GRIK1: variants seen among roughly 807,000 people sequenced by gnomAD.
GRIK1 encodes the protein glutamate receptor ionotropic, kainate 1.
In GRIK1, 69 loss-of-function variants were observed where a neutral mutation model predicts 105.7. That is an observed-to-expected ratio of 0.65 (90% CI 0.54 to 0.80). The LOEUF is 0.80. GRIK1 is among the 30% of genes least tolerant of loss of function. GRIK1 has a pLI of 0.00. For missense variants in GRIK1, 1,109 were observed against 1,167.3 expected (o/e 0.95, Z 0.73); for synonymous variants, 438 against 431.3 (o/e 1.02, Z -0.19).
intron 1 of GRIK1, among the ~76,000 whole-genome samples, chr21:29,867,908 AAG>A (rs374877912): frequency 7.3e-4 from 57 of 77,832 alleles, no homozygotes; most frequent in East Asian, 2.9e-3. Context: ...GAGAGAAAGA[AAG>A]AGAGAGAAAG....
intron 1 of GRIK1, among the ~76,000 whole-genome samples, chr21:29,898,711 A>T (rs2070270658): frequency 6.6e-6 from 1 of 152,252 alleles, no homozygotes; most frequent in Non-Finnish European, 1.5e-5. Context: ...GGATTCAGAA[A>T]TCATGCTGAT....
chr21:29,623,158 A>G (rs893596998), intron 7 of GRIK1, among the ~76,000 whole-genome samples: 3 of 152,194 alleles, frequency 2.0e-5, no homozygotes, highest in African/African-American at 4.8e-5. Flanking sequence ...CAATCATGGC[A>G]GAAAATGAAG....
chr21:29,597,591 T>G, intron 8 of GRIK1: 1 of 457,840 alleles, frequency 2.2e-6, no homozygotes, highest in South Asian at 1.6e-5. Context: ...TGCACCATCG[T>G]GGAGACTGGC....
chr21:29,765,528 A>T (rs998328987), intron 1 of GRIK1, among the ~76,000 whole-genome samples: 1 of 152,122 alleles, frequency 6.6e-6, no homozygotes, highest in Non-Finnish European at 1.5e-5. Flanking sequence ...CAAACTCTGT[A>T]AAATTCTTTT....
At chr21:29,546,806 T>C (rs1466073030) in intron 16 of GRIK1, among the ~76,000 whole-genome samples, 2 of 152,232 alleles carry the variant, frequency 1.3e-5, no homozygotes, top group Non-Finnish European at 2.9e-5. Flanking sequence ...GCTACAAATC[T>C]GCAAGGACTA....
chr21:29,577,055 T>C lies in GRIK1; in HGVS notation c.2039A>G (p.Glu680Gly). Reference sequence around the variant, plus strand: ...ATCATCTGCCGAATCTATGGGGGATTCCATTCTCTCTACTGTCAAGAAGGC... The same window carrying C: ...ATCATCTGCCGAATCTATGGGGGATCCCATTCTCTCTACTGTCAAGAAGGC... ...LAAFLTVERMESPIDSADDLA... is the reference protein window; with the variant it reads ...LAAFLTVERMGSPIDSADDLA... Residue 680 changes from glutamate (E) to glycine (G), a missense_variant, in exon 14 of 18, where the codon GAA becomes GGA. By Grantham distance (98) the Glu-to-Gly change is moderately conservative. Coordinates refer to ENST00000327783, the MANE Select transcript of GRIK1 (RefSeq NM_001330994.2). 1 of 1,613,494 alleles carries C rather than the reference T, an allele frequency of 6.2e-7. No homozygotes were observed. Among genetic ancestry groups the C allele is most frequent in the Non-Finnish European group, 8.5e-7 (1 of 1,179,462 alleles).
intron 1 of GRIK1, among the ~76,000 whole-genome samples, chr21:29,753,286 C>A (rs1046048925): frequency 6.6e-6 from 1 of 151,976 alleles, no homozygotes; most frequent in African/African-American, 2.4e-5. Flanking sequence ...AGAAACAAAC[C>A]CTTCATCTGC....
chr21:29,892,673 T>A (rs1271869683), intron 1 of GRIK1, among the ~76,000 whole-genome samples: 3 of 152,202 alleles, frequency 2.0e-5, no homozygotes, highest in African/African-American at 7.2e-5. Flanking sequence ...GCTGGAGCAA[T>A]GGTCTCCAGG....
At chr21:29,636,930 A>G (rs960408966) in intron 7 of GRIK1, among the ~76,000 whole-genome samples, 6 of 152,124 alleles carry the variant, frequency 3.9e-5, no homozygotes, top group Non-Finnish European at 7.3e-5. Flanking sequence ...CACTGCTTCC[A>G]CATAGGATCA....
intron 6 of GRIK1, among the ~76,000 whole-genome samples, chr21:29,647,848 G>A (rs1259729157): frequency 1.3e-5 from 2 of 152,172 alleles, no homozygotes; most frequent in Non-Finnish European, 2.9e-5. Flanking sequence ...TTTTTCTCAA[G>A]ATATTTTTTA....
Position 29,739,553 on chromosome 21 carries a change from A to G in GRIK1, c.119-45490T>C, listed in dbSNP as rs192655255. Among the ~76,000 whole-genome samples, 17 of 152,324 alleles carry G rather than the reference A, an allele frequency of 1.1e-4. No homozygotes were observed. The East Asian group carries it at 3.3e-3, about 29-fold the overall frequency. On this transcript the variant is annotated intron_variant, in intron 1 of 17. Coordinates refer to ENST00000327783, the MANE Select transcript of GRIK1 (RefSeq NM_001330994.2). ...AGGGCAGTTAGCTGGTTACTCTGAC[A>G]GTAGTATGAAGATTAGGAAGAGTAA...
intron 1 of GRIK1, among the ~76,000 whole-genome samples, chr21:29,924,979 G>A (rs140830013): frequency 6.6e-6 from 1 of 152,136 alleles, no homozygotes; most frequent in East Asian, 1.9e-4. Context: ...ATGAGGTGAC[G>A]TGCAAGCCAT....
intron 1 of GRIK1, among the ~76,000 whole-genome samples, chr21:29,750,112 A>G (rs1222717300): frequency 6.6e-6 from 1 of 152,152 alleles, no homozygotes; most frequent in Non-Finnish European, 1.5e-5. Flanking sequence ...TCAGGGTAGA[A>G]GAATTAATTG....
rs557026110 is a variant in GRIK1, at chr21:29,833,393, T to G, written c.118+105990A>C. ...TCCCAGTACCAATTTTCTGTATTAG[T>G]CAGTTATCTCATTGCTGTAAAGAAC... is the stretch of plus-strand genomic sequence containing the variant. On this transcript the variant is annotated intron_variant, in intron 1 of 17. Coordinates refer to ENST00000327783, the MANE Select transcript of GRIK1 (RefSeq NM_001330994.2). 2.0e-5 allele frequency among the ~76,000 whole-genome samples: 3 copies of G among 152,266 alleles called. No individual in the cohort carries two copies. In the South Asian group the frequency reaches 6.2e-4, roughly 32 times the overall value.
At chr21:29,876,994 A>G (rs541694363) in intron 1 of GRIK1, among the ~76,000 whole-genome samples, 5 of 152,324 alleles carry the variant, frequency 3.3e-5, no homozygotes, top group African/African-American at 1.2e-4. Flanking sequence ...GCTTAAACAC[A>G]AAATGACAGC....
chr21:29,612,103 G>GT (rs1352130654), intron 7 of GRIK1, among the ~76,000 whole-genome samples: 1 of 152,152 alleles, frequency 6.6e-6, no homozygotes, highest in East Asian at 1.9e-4. Context: ...AGCCTTCAGC[G>GT]TTTTTTGTGC....
chr21:29,781,379 T>G (rs2066093907), intron 1 of GRIK1, among the ~76,000 whole-genome samples: 1 of 152,168 alleles, frequency 6.6e-6, no homozygotes, highest in African/African-American at 2.4e-5. Context: ...GAGTTAATTA[T>G]ATAACTTTCA....
chr21:29,889,407 A>G (rs2069807590), intron 1 of GRIK1, among the ~76,000 whole-genome samples: 1 of 152,016 alleles, frequency 6.6e-6, no homozygotes, highest in Non-Finnish European at 1.5e-5. Flanking sequence ...ACTGTGGTTC[A>G]CTCCATCCAG....
In GRIK1 at chr21:29,542,830, T is replaced by A. The variant is rs982130532; in HGVS notation, c.2608-4946A>T. Among the ~76,000 whole-genome samples the A allele has an allele frequency of 4.6e-5, 7 of 152,178 alleles. No homozygotes were observed. The South Asian group carries it at 1.5e-3, about 32-fold the overall frequency. ...ATACAAATCTTACATTTTGTATAGG[T>A]TTCTCCCTTTAATAGGCTCCTTATT... On this transcript the variant is annotated intron_variant, in intron 16 of 17. Transcript: ENST00000327783.
Sources: allele counts gnomAD v4.1 joint callset (sites outside exome capture counted in the v4.1 genomes callset), GRCh38; gene constraint gnomAD v4.1.1; transcripts MANE v1.5; gene names NCBI Gene and HGNC (gene_info 2026-07-23, HGNC 2026-07-21).